Variants in CXCL13 observed in about 807,000 individuals in gnomAD.
CXCL13 encodes C-X-C motif chemokine ligand 13, also known as C-X-C motif chemokine 13.
In CXCL13, 7 loss-of-function variants were observed where a neutral mutation model predicts 12.2. The observed-to-expected ratio is 0.57, with a 90% CI of 0.33 to 1.07. The LOEUF is 1.07. Among genes scored for constraint, CXCL13 ranks in the 50% least tolerant of loss-of-function variants. CXCL13 has a pLI of 0.04. For missense variants in CXCL13, 113 were observed against 127.4 expected (o/e 0.89, Z 0.55); for synonymous variants, 47 against 42.4 (o/e 1.11, Z -0.42).
At chr4:77,547,354 T>C (rs1220234579) in intron 1 of CXCL13, among the ~76,000 whole-genome samples, 1 of 152,224 alleles carries the variant, frequency 6.6e-6, no homozygotes, top group Non-Finnish European at 1.5e-5. Context: ...ATTATTATTG[T>C]GTGGGAGTCT....
intron 1 of CXCL13, among the ~76,000 whole-genome samples, chr4:77,553,045 T>C (rs2109808080): frequency 6.6e-6 from 1 of 152,222 alleles, no homozygotes; most frequent in East Asian, 1.9e-4. Context: ...GAATTTTGGC[T>C]TGGGGGTGGA....
At chr4:77,609,147 G>A (rs1696885017) in intron 2 of CXCL13, among the ~76,000 whole-genome samples, 1 of 152,210 alleles carries the variant, frequency 6.6e-6, no homozygotes, top group Non-Finnish European at 1.5e-5. Flanking sequence ...CCAATTGGAA[G>A]TGTCTATCTG....
intron 1 of CXCL13, among the ~76,000 whole-genome samples, chr4:77,519,903 G>A (rs181274041): frequency 1.3e-3 from 200 of 152,294 alleles, no homozygotes; most frequent in Admixed American, 2.3e-3. Context: ...AAGGTGTAAG[G>A]AAGGGATCCA....
intron 1 of CXCL13, among the ~76,000 whole-genome samples, chr4:77,549,681 A>T (rs945831585): frequency 2.6e-5 from 4 of 152,172 alleles, no homozygotes; most frequent in African/African-American, 9.6e-5. Flanking sequence ...CAGAACAGCA[A>T]ATGTTACTGC....
At chr4:77,582,315 T>C (rs1479742823) in intron 1 of CXCL13, among the ~76,000 whole-genome samples, 3 of 152,128 alleles carry the variant, frequency 2.0e-5, no homozygotes, top group Non-Finnish European at 4.4e-5. Context: ...AATATATAAT[T>C]ACTAACTGGG....
chr4:77,607,063 A>T (rs1291440829), intron 1 of CXCL13, among the ~76,000 whole-genome samples: 1 of 152,206 alleles, frequency 6.6e-6, no homozygotes, highest in East Asian at 1.9e-4. Context: ...ACATTTTCTG[A>T]GAGGAAAGGG....
In CXCL13 at chr4:77,611,112, T is replaced by A; in HGVS notation, c.*73T>A. ...TCTGGATTTTAGTTTTGTGCTTAGT[T>A]AAATCTTTTCCAGGAAAAAGAACTT... On this transcript the variant is annotated 3_prime_UTR_variant, in exon 4 of 4. Coordinates refer to ENST00000682537, the MANE Select transcript of CXCL13 (RefSeq NM_001371558.1). The A allele has an allele frequency of 7.9e-7, 1 of 1,265,944 alleles. No homozygotes were observed. Among genetic ancestry groups the A allele is most frequent in the Non-Finnish European group, 1.1e-6 (1 of 892,090 alleles). 78.4% of individuals were successfully genotyped at this position (1,265,944 alleles called of 1,614,324 possible). A position where few individuals can be genotyped will look rare whatever the true frequency, so the allele number is the denominator to read the frequency against.
At chr4:77,568,807 G>T (rs763101447) in intron 1 of CXCL13, among the ~76,000 whole-genome samples, 2 of 152,190 alleles carry the variant, frequency 1.3e-5, no homozygotes, top group Non-Finnish European at 2.9e-5. Flanking sequence ...GTGGGTTACA[G>T]TCCCACCCTA....
At chr4:77,591,487 C>T (rs1726608391) in intron 1 of CXCL13, among the ~76,000 whole-genome samples, 1 of 141,138 alleles carries the variant, frequency 7.1e-6, no homozygotes, top group Non-Finnish European at 1.5e-5. Context: ...GGAGGCGGAG[C>T]TTGCAGTGAG....
chr4:77,550,049 C>G (rs148427422), intron 1 of CXCL13, among the ~76,000 whole-genome samples: 1 of 152,224 alleles, frequency 6.6e-6, no homozygotes, highest in Non-Finnish European at 1.5e-5. Context: ...TCAGCAATGG[C>G]GGACACCCCT....
At chr4:77,568,668 GT>G (rs997637103) in intron 1 of CXCL13, among the ~76,000 whole-genome samples, 1 of 152,064 alleles carries the variant, frequency 6.6e-6, no homozygotes. Flanking sequence ...ATGCTCTAGG[GT>G]TTTTGGCATT....
intron 1 of CXCL13, among the ~76,000 whole-genome samples, chr4:77,560,251 G>A (rs180727240): frequency 4.3e-4 from 65 of 152,242 alleles, no homozygotes; most frequent in Admixed American, 1.4e-3. Flanking sequence ...TAGAGATTGA[G>A]GTTGAATTGT....
intron 1 of CXCL13, among the ~76,000 whole-genome samples, chr4:77,525,061 T>C (rs1363286624): frequency 6.6e-6 from 1 of 151,890 alleles, no homozygotes; most frequent in Non-Finnish European, 1.5e-5. Flanking sequence ...ATCACAGGAG[T>C]GGGTCAGTTA....
At position 77,522,514 on chromosome 4, in the gene CXCL13, C is replaced by CTTTTTTTTT. The variant is rs777857811; in HGVS notation, c.-43+10748_-43+10756dup. Reference sequence around the variant, plus strand: ...TCAGAGACTAGGACTGCAACCCCTGCTTTTTTTTTTTTTTTTTTTTTTTTT... The same window carrying CTTTTTTTTT: ...TCAGAGACTAGGACTGCAACCCCTGCTTTTTTTTTTTTTTTTTTTTTTTTTTTTTTTTTT... On this transcript the variant is annotated intron_variant, in intron 1 of 4. Coordinates refer to the CXCL13 transcript ENST00000286758. 2.5e-3 allele frequency among the ~76,000 whole-genome samples: 25 copies of CTTTTTTTTT among 10,090 alleles called. 3 individuals carry two copies. Among genetic ancestry groups the CTTTTTTTTT allele is most frequent in the African/African-American group, 5.1e-3 (13 of 2,558 alleles). 6.6% of individuals were successfully genotyped at this position (10,090 alleles called of 152,430 possible). A position where few individuals can be genotyped will look rare whatever the true frequency, so the allele number is the denominator to read the frequency against.
At chr4:77,515,319 A>G (rs1167900238) in intron 1 of CXCL13, among the ~76,000 whole-genome samples, 1 of 152,224 alleles carries the variant, frequency 6.6e-6, no homozygotes, top group Non-Finnish European at 1.5e-5. Context: ...TGAACTTTAA[A>G]GTAGTTTTTT....
intron 1 of CXCL13, among the ~76,000 whole-genome samples, chr4:77,513,285 G>A (rs1300296569): frequency 6.6e-6 from 1 of 152,034 alleles, no homozygotes; most frequent in Non-Finnish European, 1.5e-5. Context: ...ATAATCCTTT[G>A]GGCATATACC....
chr4:77,520,057 C>G (rs1724548097), intron 1 of CXCL13, among the ~76,000 whole-genome samples: 1 of 152,150 alleles, frequency 6.6e-6, no homozygotes, highest in African/African-American at 2.4e-5. Context: ...GGGCTCTGTT[C>G]TGTTCCATTG....
At chr4:77,552,927 G>A (rs1365847257) in intron 1 of CXCL13, among the ~76,000 whole-genome samples, 8 of 152,212 alleles carry the variant, frequency 5.3e-5, no homozygotes, top group African/African-American at 1.7e-4. Context: ...CTAGGGATCT[G>A]CATGGGCGTG....
At chr4:77,608,600 C>T (rs899582956) in intron 2 of CXCL13, among the ~76,000 whole-genome samples, 1 of 152,144 alleles carries the variant, frequency 6.6e-6, no homozygotes, top group African/African-American at 2.4e-5. Flanking sequence ...TTCCCATGGA[C>T]TTCTTTAGAT....
Sources: allele counts gnomAD v4.1 joint callset (sites outside exome capture counted in the v4.1 genomes callset), GRCh38; gene constraint gnomAD v4.1.1; transcripts MANE v1.5; gene names NCBI Gene and HGNC (gene_info 2026-07-23, HGNC 2026-07-21).